The following DDX10 variants were observed in gnomAD, a reference collection of about 807,000 sequenced individuals.
The protein encoded by DDX10 is DEAD-box helicase 10.
Under a neutral mutation model 104.3 loss-of-function variants are expected in DDX10, and 74 were observed. The ratio of observed to expected loss-of-function variants is 0.71; its 90% CI spans 0.59 to 0.86. The LOEUF (loss-of-function observed/expected upper bound fraction) is 0.86, where lower values mean the gene tolerates loss of function less well. DDX10 is among the 40% of genes least tolerant of loss of function. The probability of loss-of-function intolerance (pLI) is 0.00; values close to 1 mark genes in which losing one functional copy is unlikely to be tolerated. For synonymous variants in DDX10, 351 were observed against 353.4 expected, an observed-to-expected ratio of 0.99 and a Z score of 0.08; for missense variants, 952 against 1,040.0, an observed-to-expected ratio of 0.92 and a Z score of 1.16.
At chr11:108,826,732 G>T (rs907815566) in intron 13 of DDX10, among the ~76,000 whole-genome samples, 1 of 152,144 alleles carries the variant, frequency 6.6e-6, no homozygotes, top group Non-Finnish European at 1.5e-5. Flanking sequence ...GATCACATCC[G>T]CATGCATCTT....
chr11:108,829,658 C>T (rs1862442440), intron 13 of DDX10, among the ~76,000 whole-genome samples: 1 of 152,156 alleles, frequency 6.6e-6, no homozygotes, highest in Admixed American at 6.5e-5. Flanking sequence ...AAGTCTTTGC[C>T]TAAGCCAAGT....
intron 13 of DDX10, among the ~76,000 whole-genome samples, chr11:108,825,952 G>C (rs1862390055): frequency 1.3e-5 from 2 of 152,120 alleles, no homozygotes; most frequent in South Asian, 4.1e-4. Flanking sequence ...ACATTTGGAA[G>C]GGTTTCTAAA....
chr11:108,688,852 T>C, intron 6 of DDX10, 84 bp from the exon 7 acceptor site: 1 of 1,484,636 alleles, frequency 6.7e-7, no homozygotes, highest in Non-Finnish European at 9.1e-7. Flanking sequence ...TGTGCCACTA[T>C]TAAAACTTGT....
intron 13 of DDX10, among the ~76,000 whole-genome samples, chr11:108,765,192 A>G (rs911718507): frequency 1.8e-4 from 28 of 152,210 alleles, no homozygotes; most frequent in African/African-American, 6.5e-4. Flanking sequence ...GGGAACAAAT[A>G]TAACAGTCTA....
intron 16 of DDX10, among the ~76,000 whole-genome samples, chr11:108,884,839 A>G (rs1403912529): frequency 1.3e-5 from 2 of 152,180 alleles, no homozygotes; most frequent in African/African-American, 4.8e-5. Context: ...CTGACTTCCA[A>G]GTCTTATGAA....
chr11:108,725,392 A>G (rs1251046332), intron 13 of DDX10, among the ~76,000 whole-genome samples: 2 of 152,104 alleles, frequency 1.3e-5, no homozygotes, highest in African/African-American at 2.4e-5. Flanking sequence ...GAAACTCCCC[A>G]GTTGTTTTCC....
intron 16 of DDX10, among the ~76,000 whole-genome samples, chr11:108,860,161 T>C (rs1425625422): frequency 2.6e-5 from 4 of 152,214 alleles, no homozygotes; most frequent in Non-Finnish European, 5.9e-5. Flanking sequence ...GGGTTTTCCA[T>C]GTTATTACTA....
chr11:108,706,959 T>C, intron 10 of DDX10, 122 bp downstream of exon 10: 2 of 764,284 alleles, frequency 2.6e-6, no homozygotes, highest in Non-Finnish European at 4.4e-6. Context: ...TTGACTTTTA[T>C]AAAAAGGCTC....
At chr11:108,876,854 A>G (rs1453002744) in intron 16 of DDX10, among the ~76,000 whole-genome samples, 1 of 152,188 alleles carries the variant, frequency 6.6e-6, no homozygotes, top group Non-Finnish European at 1.5e-5. Context: ...AAAATGTGGT[A>G]GCTTTCCTTG....
At chr11:108,749,308 A>G (rs923756153) in intron 13 of DDX10, among the ~76,000 whole-genome samples, 1 of 152,128 alleles carries the variant, frequency 6.6e-6, no homozygotes, top group African/African-American at 2.4e-5. Context: ...GGTTCAGGGT[A>G]CTATAATTCT....
intron 13 of DDX10, among the ~76,000 whole-genome samples, chr11:108,821,693 A>G (rs1378776953): frequency 3.9e-5 from 6 of 152,206 alleles, no homozygotes; most frequent in East Asian, 3.8e-4. Flanking sequence ...AGTCATTTCT[A>G]TGGTCCTTTT....
intron 13 of DDX10, among the ~76,000 whole-genome samples, chr11:108,731,597 C>T (rs903142994): frequency 6.6e-6 from 1 of 150,486 alleles, no homozygotes; most frequent in African/African-American, 2.4e-5. Flanking sequence ...GCTGCAGCCT[C>T]GACCTTATGG....
At chr11:108,863,438 T>C (rs1330966144) in intron 16 of DDX10, among the ~76,000 whole-genome samples, 1 of 152,244 alleles carries the variant, frequency 6.6e-6, no homozygotes, top group East Asian at 1.9e-4. Flanking sequence ...CCTATCTTGA[T>C]TTTCAGCTAT....
intron 13 of DDX10, among the ~76,000 whole-genome samples, chr11:108,761,977 G>A (rs563128365): frequency 6.6e-6 from 1 of 152,028 alleles, no homozygotes; most frequent in Admixed American, 6.6e-5. Context: ...TTGAGTTACT[G>A]CCCTCATTAA....
At chr11:108,894,468 A>G (rs1863415051) in intron 16 of DDX10, among the ~76,000 whole-genome samples, 1 of 152,156 alleles carries the variant, frequency 6.6e-6, no homozygotes, top group Non-Finnish European at 1.5e-5. Flanking sequence ...GTTATGTGCT[A>G]CAGATCATGA....
intron 17 of DDX10, among the ~76,000 whole-genome samples, chr11:108,928,459 G>A (rs1863935962): frequency 7.0e-6 from 1 of 142,400 alleles, no homozygotes; most frequent in East Asian, 2.1e-4. Flanking sequence ...ACCACTGCTT[G>A]TAGTTTTGGA....
At position 108,940,238 on chromosome 11, in the gene DDX10, C is replaced by G. The variant is rs1299504034; in HGVS notation, c.2451-8C>G. 1 of 1,612,850 alleles carries G rather than the reference C, an allele frequency of 6.2e-7. No individual in the cohort carries two copies. The highest frequency in any genetic ancestry group is 1.7e-5 in the Admixed American group (1 of 59,846). On this transcript the variant is annotated splice_region_variant and splice_polypyrimidine_tract_variant and intron_variant, in intron 17 of 17. Coordinates refer to ENST00000322536, the MANE Select transcript of DDX10 (RefSeq NM_004398.4). ...TCTAAAGTAAATCTTTGGATTTCTT[C>G]TCACCAGTGATACCAAGAAGAAGCA...
chr11:108,791,962 TA>T (rs1861877523), intron 13 of DDX10, among the ~76,000 whole-genome samples: 1 of 152,150 alleles, frequency 6.6e-6, no homozygotes, highest in Non-Finnish European at 1.5e-5. Flanking sequence ...TATTGTCATT[TA>T]AAAAAATATA....
intron 16 of DDX10, among the ~76,000 whole-genome samples, chr11:108,912,553 T>G (rs1402436840): frequency 3.3e-5 from 5 of 152,158 alleles, no homozygotes; most frequent in Admixed American, 2.6e-4. Context: ...GCTTAAACAG[T>G]TTTCCCTTAC....
Sources: allele counts gnomAD v4.1 joint callset (sites outside exome capture counted in the v4.1 genomes callset), GRCh38; gene constraint gnomAD v4.1.1; transcripts MANE v1.5; gene names NCBI Gene and HGNC (gene_info 2026-07-23, HGNC 2026-07-21).